Variants in DCC observed in about 807,000 individuals in gnomAD.
The protein encoded by DCC is DCC netrin 1 receptor.
DCC carries 58 observed loss-of-function variants against 172.5 expected under a neutral mutation model. The observed-to-expected ratio is 0.34, with a 90% CI of 0.27 to 0.42. The LOEUF is 0.42. Ranked by LOEUF, DCC falls within the 10% of genes least tolerant of loss-of-function variation. DCC has a pLI of 1.00. For missense variants in DCC, 1,740 were observed against 1,791.0 expected, an observed-to-expected ratio of 0.97 and a Z score of 0.51; for synonymous variants, 709 against 644.5, an observed-to-expected ratio of 1.10 and a Z score of -1.52.
intron 1 of DCC, chr18:52,409,202 C>T (rs1490437894): frequency 2.0e-5 from 3 of 152,096 alleles, no homozygotes; most frequent in Admixed American, 1.3e-4. Context: ...GCCTCAGGCA[C>T]AGGATATCAC....
intron 1 of DCC, among the ~76,000 whole-genome samples, chr18:52,631,190 C>T (rs1218601488): frequency 1.3e-5 from 2 of 152,050 alleles, no homozygotes; most frequent in African/African-American, 4.8e-5. Flanking sequence ...TTTTTTCTAC[C>T]TGTCATTTAT....
chr18:53,224,974 A>G (rs558457739), intron 12 of DCC, among the ~76,000 whole-genome samples: 14 of 152,302 alleles, frequency 9.2e-5, no homozygotes, highest in African/African-American at 3.4e-4. Flanking sequence ...ACAGTTAGAA[A>G]AAATATGGCA....
chr18:52,456,833 G>A (rs1242922410), intron 1 of DCC, among the ~76,000 whole-genome samples: 2 of 152,090 alleles, frequency 1.3e-5, no homozygotes, highest in African/African-American at 4.8e-5. Context: ...CGCAAAGCTG[G>A]AAACAGAATT....
chr18:53,362,182 AC>A (rs902700416), intron 15 of DCC, among the ~76,000 whole-genome samples: 2 of 152,170 alleles, frequency 1.3e-5, no homozygotes, highest in Non-Finnish European at 2.9e-5. Flanking sequence ...TTGCAGTAAA[AC>A]TTTGGGGACG....
At chr18:53,207,876 C>T in intron 11 of DCC, 59 bp downstream of exon 11, 2 of 1,411,664 alleles carry the variant, frequency 1.4e-6, no homozygotes, top group Non-Finnish European at 2.0e-6. Context: ...ACAATAATGA[C>T]ATGATATTGC....
At position 53,533,843 on chromosome 18, in the gene DCC, T is replaced by G. The variant is rs1328262385; in HGVS notation, c.*3190T>G. ...CCTGTTGAGTATATTCTTAGTTTCCTCAAAATAGGGATTATTCAAAATTAG... is the reference window on the plus strand; with the variant it reads ...CCTGTTGAGTATATTCTTAGTTTCCGCAAAATAGGGATTATTCAAAATTAG... On this transcript the variant is annotated 3_prime_UTR_variant, in exon 29 of 29. Transcript: ENST00000442544. The G allele has an allele frequency of 2.0e-5, 3 of 152,204 alleles. No individual in the cohort carries two copies. Among genetic ancestry groups the G allele is most frequent in the African/African-American group, 7.2e-5 (3 of 41,452 alleles). The allele number at this position is 152,204 out of a possible 1,614,324, so 9.4% of individuals were successfully genotyped here. A position where few individuals can be genotyped will look rare whatever the true frequency, so the allele number is the denominator to read the frequency against.
chr18:53,326,426 A>G (rs2057469001), intron 14 of DCC, among the ~76,000 whole-genome samples: 1 of 152,154 alleles, frequency 6.6e-6, no homozygotes, highest in African/African-American at 2.4e-5. Context: ...ATCACTTTCA[A>G]CTGTGATACT....
At chr18:52,833,019 T>TATATATAA (rs2038644815) in intron 2 of DCC, among the ~76,000 whole-genome samples, 1 of 152,118 alleles carries the variant, frequency 6.6e-6, no homozygotes, top group Non-Finnish European at 1.5e-5. Context: ...ATATATAACC[T>TATATATAA]CTTGTTTAAT....
chr18:53,451,494 C>G (rs2045412001), intron 23 of DCC, among the ~76,000 whole-genome samples: 3 of 152,152 alleles, frequency 2.0e-5, no homozygotes, highest in Admixed American at 2.0e-4. Context: ...TCTTTTTCAG[C>G]TACACTCTCT....
intron 27 of DCC, among the ~76,000 whole-genome samples, chr18:53,524,416 C>T (rs1326036405): frequency 1.3e-5 from 2 of 151,940 alleles, no homozygotes; most frequent in Non-Finnish European, 2.9e-5. Context: ...GCCCAACAAT[C>T]TCATTTATCA....
chr18:53,270,739 C>G (rs578018737), intron 12 of DCC, among the ~76,000 whole-genome samples: 1 of 152,024 alleles, frequency 6.6e-6, no homozygotes, highest in Non-Finnish European at 1.5e-5. Flanking sequence ...AGGGCCCTAA[C>G]CTATGTAGAT....
At chr18:53,516,620 A>T (rs1173947303) in intron 27 of DCC, among the ~76,000 whole-genome samples, 1 of 151,390 alleles carries the variant, frequency 6.6e-6, no homozygotes, top group Admixed American at 6.5e-5. Context: ...AAACAACCCC[A>T]TCAAAAAGTG....
intron 21 of DCC, among the ~76,000 whole-genome samples, chr18:53,432,749 T>G (rs1421189542): frequency 1.3e-5 from 2 of 151,998 alleles, no homozygotes; most frequent in African/African-American, 2.4e-5. Context: ...TCATTATTAT[T>G]ATTATTATTA....
intron 15 of DCC, among the ~76,000 whole-genome samples, chr18:53,347,352 T>G (rs979585954): frequency 3.5e-4 from 54 of 152,304 alleles, no homozygotes; most frequent in East Asian, 5.8e-4. Context: ...TTTTGGTTTT[T>G]GGGGGGATTG....
chr18:52,682,166 C>T (rs1010985890), intron 1 of DCC, among the ~76,000 whole-genome samples: 32 of 152,038 alleles, frequency 2.1e-4, no homozygotes, highest in Admixed American at 5.3e-4. Context: ...TTAACTCAGG[C>T]ACTTCCAAAT....
chr18:53,201,081 G>A (rs1482026024), intron 9 of DCC, among the ~76,000 whole-genome samples: 1 of 152,034 alleles, frequency 6.6e-6, no homozygotes, highest in African/African-American at 2.4e-5. Flanking sequence ...TGCTCTAGTG[G>A]GAGAGATGAG....
intron 7 of DCC, among the ~76,000 whole-genome samples, chr18:53,110,231 T>C (rs2043310354): frequency 6.6e-6 from 1 of 151,714 alleles, no homozygotes; most frequent in Non-Finnish European, 1.5e-5. Flanking sequence ...TTCAGCTGAA[T>C]AAACACAGCT....
intron 1 of DCC, among the ~76,000 whole-genome samples, chr18:52,474,303 G>A (rs747873125): frequency 3.9e-5 from 6 of 151,936 alleles, no homozygotes; most frequent in Admixed American, 6.6e-5. Flanking sequence ...AGGGGAAGTC[G>A]GGGGAGTAGG....
At chr18:53,099,335 G>A (rs935646376) in intron 7 of DCC, among the ~76,000 whole-genome samples, 6 of 151,636 alleles carry the variant, frequency 4.0e-5, no homozygotes, top group Non-Finnish European at 2.9e-5. Flanking sequence ...TTTGATATTC[G>A]AATTGTCCCA....
Sources: gnomAD v4.1 joint callset for allele counts (sites outside exome capture counted in the v4.1 genomes callset) on GRCh38, gnomAD v4.1.1 for gene constraint, MANE v1.5 for transcripts, NCBI Gene and HGNC (gene_info 2026-07-23, HGNC 2026-07-21) for gene names.